DPY19L1: variants seen among roughly 807,000 people sequenced by gnomAD.
DPY19L1 encodes the protein dpy-19 like C-mannosyltransferase 1, also known as protein C-mannosyl-transferase DPY19L1.
In DPY19L1, 35 loss-of-function variants were observed where a neutral mutation model predicts 96.9. The ratio of observed to expected loss-of-function variants is 0.36; its 90% CI spans 0.28 to 0.48. The LOEUF (loss-of-function observed/expected upper bound fraction) is 0.48, where lower values mean the gene tolerates loss of function less well. DPY19L1 is among the 20% of genes least tolerant of loss of function. DPY19L1 has a pLI of 0.99. For missense variants in DPY19L1, 521 were observed against 777.9 expected (o/e 0.67, Z 3.93); for synonymous variants, 205 against 252.6 (o/e 0.81, Z 1.79).
chr7:34,970,631 C>A (rs1002215242), intron 8 of DPY19L1, among the ~76,000 whole-genome samples: 1 of 152,070 alleles, frequency 6.6e-6, no homozygotes, highest in Non-Finnish European at 1.5e-5. Context: ...TAAAGCATTT[C>A]TCTACTGCTT....
At chr7:34,986,334 T>C (rs1466072185) in intron 7 of DPY19L1, among the ~76,000 whole-genome samples, 1 of 152,104 alleles carries the variant, frequency 6.6e-6, no homozygotes, top group Non-Finnish European at 1.5e-5. Flanking sequence ...GGTGAGGGAA[T>C]AGATATGTTA....
intron 6 of DPY19L1, among the ~76,000 whole-genome samples, chr7:35,009,516 T>G (rs1785648580): frequency 6.6e-6 from 1 of 152,338 alleles, no homozygotes; most frequent in East Asian, 1.9e-4. Flanking sequence ...ATACTAAATA[T>G]TGTACAGAAG....
chr7:34,985,440 C>T (rs965371693), intron 7 of DPY19L1, among the ~76,000 whole-genome samples: 1 of 151,830 alleles, frequency 6.6e-6, no homozygotes, highest in African/African-American at 2.4e-5. Context: ...GATAAGGGGC[C>T]AATATTCAAA....
chr7:35,010,398 T>C (rs1334655496), intron 6 of DPY19L1, 70 bp downstream of exon 6: 9 of 845,222 alleles, frequency 1.1e-5, no homozygotes, highest in Non-Finnish European at 1.7e-5. Context: ...AATTAATCAA[T>C]GATTAACTAT....
Position 34,939,281 on chromosome 7 carries a change from G to C in DPY19L1, c.1959C>G (p.Gly653=). The C allele has an allele frequency of 6.2e-7, 1 of 1,613,174 alleles. No homozygotes were observed. Among genetic ancestry groups the C allele is most frequent in the Non-Finnish European group, 8.5e-7 (1 of 1,179,814 alleles). ...IVNHPHYEDA[G]LRARTKIVYS... is the part of the protein sequence containing the mutation. ...ATGCAAGACTGTGCACTGACCTCAA[G>C]CCTGCGTCTTCATAATGTGGATGAT... The change falls in exon 20 of 22, where the codon GGC becomes GGG. Residue 653 remains glycine (G), a synonymous_variant. Transcript: ENST00000638088.
intron 8 of DPY19L1, among the ~76,000 whole-genome samples, chr7:34,970,964 G>A (rs73693353): frequency 1.3e-5 from 2 of 151,866 alleles, no homozygotes; most frequent in South Asian, 4.2e-4. Flanking sequence ...AAACCAATTT[G>A]TTAAAACATA....
At chr7:34,961,179 A>G (rs1336297751) in intron 10 of DPY19L1, among the ~76,000 whole-genome samples, 3 of 152,212 alleles carry the variant, frequency 2.0e-5, no homozygotes, top group African/African-American at 7.2e-5. Context: ...TAAACAACCC[A>G]GTATAGAGCC....
chr7:35,005,806 G>A (rs1348854608), intron 6 of DPY19L1, among the ~76,000 whole-genome samples: 4 of 117,648 alleles, frequency 3.4e-5, no homozygotes, highest in South Asian at 2.6e-4. Flanking sequence ...GTGAGATTTC[G>A]TCTCAAAAAA....
At chr7:34,950,652 A>C (rs1257847421) in intron 13 of DPY19L1, among the ~76,000 whole-genome samples, 2 of 152,224 alleles carry the variant, frequency 1.3e-5, no homozygotes, top group African/African-American at 4.8e-5. Flanking sequence ...GGAACAGGGT[A>C]AGAGTAGGAA....
At chr7:35,008,053 A>G (rs1785607584) in intron 6 of DPY19L1, among the ~76,000 whole-genome samples, 1 of 151,888 alleles carries the variant, frequency 6.6e-6, no homozygotes, top group Admixed American at 6.6e-5. Context: ...CTTTCCACAT[A>G]CTAGATTTTG....
intron 21 of DPY19L1, among the ~76,000 whole-genome samples, chr7:34,933,346 G>T (rs544397532): frequency 3.3e-5 from 5 of 152,156 alleles, no homozygotes; most frequent in Non-Finnish European, 7.3e-5. Flanking sequence ...TCGCATCCTG[G>T]TAGCTTAGTT....
intron 20 of DPY19L1, among the ~76,000 whole-genome samples, chr7:34,938,727 T>G (rs1237837932): frequency 6.6e-6 from 1 of 152,076 alleles, no homozygotes; most frequent in Non-Finnish European, 1.5e-5. Flanking sequence ...CCTTAGAAAC[T>G]GCAAGAAAAA....
At chr7:34,968,133 T>C (rs1247999860) in intron 9 of DPY19L1, among the ~76,000 whole-genome samples, 1 of 151,930 alleles carries the variant, frequency 6.6e-6, no homozygotes, top group East Asian at 1.9e-4. Context: ...AACCAGAAAC[T>C]GATTGAAAAT....
intron 9 of DPY19L1, among the ~76,000 whole-genome samples, chr7:34,967,990 C>T (rs1044296048): frequency 5.3e-5 from 8 of 152,124 alleles, no homozygotes; most frequent in African/African-American, 1.9e-4. Flanking sequence ...CTGACCCTTA[C>T]CTCCACAAAA....
chr7:34,963,389 G>A (rs1784543998), intron 10 of DPY19L1, among the ~76,000 whole-genome samples: 1 of 152,180 alleles, frequency 6.6e-6, no homozygotes, highest in Non-Finnish European at 1.5e-5. Flanking sequence ...TTACAGGAAT[G>A]TAAAATGTAC....
At chr7:34,995,349 T>G (rs1785259264) in intron 6 of DPY19L1, among the ~76,000 whole-genome samples, 2 of 152,160 alleles carry the variant, frequency 1.3e-5, no homozygotes, top group Admixed American at 1.3e-4. Context: ...TTCTGCAATA[T>G]GACTGTCAGA....
chr7:34,962,089 T>G (rs2392299), intron 10 of DPY19L1, among the ~76,000 whole-genome samples: 29,931 of 152,134 alleles, frequency 0.2, 3,327 homozygotes, highest in Admixed American at 0.36. Flanking sequence ...AAATATCACT[T>G]TCCTTGGTAT....
At chr7:34,935,615 C>G (rs1783852484) in intron 21 of DPY19L1, among the ~76,000 whole-genome samples, 2 of 152,084 alleles carry the variant, frequency 1.3e-5, no homozygotes, top group Admixed American at 6.6e-5. Flanking sequence ...ATATTGGTCC[C>G]TCTTCCCCTT....
intron 1 of DPY19L1, among the ~76,000 whole-genome samples, chr7:35,021,090 C>T (rs545382221): frequency 6.6e-6 from 1 of 152,206 alleles, no homozygotes; most frequent in Admixed American, 6.5e-5. Context: ...TTTCTTATTC[C>T]TGACAAAAAC....
Sources: gnomAD v4.1 joint callset for allele counts (sites outside exome capture counted in the v4.1 genomes callset) on GRCh38, gnomAD v4.1.1 for gene constraint, MANE v1.5 for transcripts, NCBI Gene and HGNC (gene_info 2026-07-23, HGNC 2026-07-21) for gene names.